CPNE7: variants seen among roughly 807,000 people sequenced by gnomAD.
The protein encoded by CPNE7 is copine 7, also known as copine-7.
Under a neutral mutation model 66.5 loss-of-function variants are expected in CPNE7, and 78 were observed. The observed-to-expected ratio is 1.17, with a 90% CI of 0.98 to 1.42. The LOEUF (loss-of-function observed/expected upper bound fraction) is 1.42, where lower values mean the gene tolerates loss of function less well. Among genes scored for constraint, CPNE7 ranks in the 40% most tolerant of loss-of-function variants. The pLI, the probability that CPNE7 is intolerant of heterozygous loss-of-function variation, is 0.00. For missense variants in CPNE7, 1,012 were observed against 776.6 expected, an observed-to-expected ratio of 1.30 and a Z score of -3.60; for synonymous variants, 468 against 336.7, an observed-to-expected ratio of 1.39 and a Z score of -4.27.
At chr16:89,589,489 C>A (rs967248197) in intron 10 of CPNE7, among the ~76,000 whole-genome samples, 14 of 152,154 alleles carry the variant, frequency 9.2e-5, no homozygotes, top group African/African-American at 3.1e-4. Context: ...GAGCTTCTTA[C>A]CACAACACAG....
intron 9 of CPNE7, chr16:89,587,698 C>A (rs1250727309): frequency 8.6e-6 from 3 of 350,532 alleles, no homozygotes; most frequent in Non-Finnish European, 1.2e-5. Context: ...GATACGCACA[C>A]CCCGTGTCAC....
intron 11 of CPNE7, 87 bp from the exon 12 acceptor site, chr16:89,590,920 G>A: frequency 7.1e-7 from 1 of 1,410,724 alleles, no homozygotes; most frequent in Non-Finnish European, 9.7e-7. Flanking sequence ...GGGGGCTGGG[G>A]ACGGGGGGAG....
At position 89,596,887 on chromosome 16, in the gene CPNE7, G is replaced by C; in HGVS notation, c.*266G>C. 1 of 383,628 alleles carries C rather than the reference G, an allele frequency of 2.6e-6. No individual in the cohort carries two copies. Among genetic ancestry groups the C allele is most frequent in the Non-Finnish European group, 4.6e-6 (1 of 217,210 alleles). 23.8% of individuals were successfully genotyped at this position (383,628 alleles called of 1,614,324 possible). On this transcript the variant is annotated 3_prime_UTR_variant, in exon 15 of 15. Coordinates refer to ENST00000319518, the MANE Select transcript of CPNE7 (RefSeq NM_153636.3). Reference sequence around the variant, plus strand: ...GGAGGGAGATCATGAGGGACTTGGAGGGAGCTGGGAGTTCATCCACGGGAG... The same window carrying C: ...GGAGGGAGATCATGAGGGACTTGGACGGAGCTGGGAGTTCATCCACGGGAG...
chr16:89,583,821 C>G (rs1296235213), intron 3 of CPNE7, 50 bp downstream of exon 3: 2 of 1,598,614 alleles, frequency 1.3e-6, no homozygotes, highest in Admixed American at 1.7e-5. Flanking sequence ...TGCTGTGGCT[C>G]CGAGGGGTGT....
chr16:89,587,838 AT>A (rs1455336466), intron 9 of CPNE7: 19 of 27,614 alleles, frequency 6.9e-4, no homozygotes, highest in South Asian at 1.2e-3. Flanking sequence ...TCACCCACAG[AT>A]ACACGGCCCC....
rs1239416540 is a variant in CPNE7 at position 89,584,103 on chromosome 16, G to A, written c.507+1G>A. On this transcript the variant is annotated splice_donor_variant, in intron 4 of 14. Coordinates refer to ENST00000319518, the MANE Select transcript of CPNE7 (RefSeq NM_153636.3). LOFTEE classifies it high-confidence loss of function. This position sits in a 1 kb window ranked among gnomAD's most constrained non-coding sequence, Gnocchi z 6.0. ...CCGGGCCAGGAAGCTGGACGACAAG[G>A]TGAGTGCAGGTGCCGGGCACGCCTG... 1.2e-6 allele frequency: 2 copies of A among 1,609,460 alleles called. No individual in the cohort carries two copies. Among genetic ancestry groups the A allele is most frequent in the Non-Finnish European group, 1.7e-6 (2 of 1,178,618 alleles).
At position 89,588,748 on chromosome 16, in the gene CPNE7, A is replaced by G; in HGVS notation, c.1001A>G (p.Gln334Arg). 6.2e-7 allele frequency: 1 copy of G among 1,613,694 alleles called. No individual in the cohort carries two copies. The highest frequency in any genetic ancestry group is 1.1e-5 in the South Asian group (1 of 91,082). ...SCSLHYINPY[Q>R]PNEYLKALVS... is the part of the protein sequence containing the mutation. ...TCCCTGCACTACATCAACCCCTACC[A>G]GCCGAACGAGTACCTGAAGGCACTG... The change falls in exon 10 of 15, where the codon CAG (glutamine) becomes CGG (arginine). Residue 334 changes from glutamine (Q) to arginine (R), a missense_variant. By Grantham distance (43) the Gln-to-Arg change is conservative (BLOSUM62 1). Transcript: ENST00000319518.
Position 89,580,515 on chromosome 16 carries a change from G to A in CPNE7, c.357+2794G>A, listed in dbSNP as rs1256254485. Reference sequence around the variant, plus strand: ...CCCGCTGACACAGAACATCTCACCCGTCACACGGAACATCCCATCACCCGT... The same window carrying A: ...CCCGCTGACACAGAACATCTCACCCATCACACGGAACATCCCATCACCCGT... On this transcript the variant is annotated intron_variant, in intron 2 of 14. Transcript: ENST00000319518. Among the ~76,000 whole-genome samples the A allele has an allele frequency of 2.5e-4, 29 of 113,892 alleles. 1 individual carries two copies. The highest frequency in any genetic ancestry group is 1.1e-3 in the East Asian group (4 of 3,662). 74.7% of individuals were successfully genotyped at this position (113,892 alleles called of 152,430 possible).
chr16:89,595,408 C>G lies in CPNE7; in HGVS notation c.1344C>G (p.Thr448=), dbSNP rs555104096. Residue 448 remains threonine, a synonymous_variant, in exon 14 of 15, where the codon ACC becomes ACG. Transcript: ENST00000319518. ...TGATCCTGACGGACGGCGTGGTGAC[C>G]GACATGGCCGACACACGGGAGGCCA... The part of the protein sequence containing the change: ...ILLILTDGVV[T]DMADTREAIV... 6.3e-7 allele frequency: 1 copy of G among 1,597,854 alleles called. No individual in the cohort carries two copies. The highest frequency in any genetic ancestry group is 1.1e-5 in the South Asian group (1 of 89,964).
chr16:89,595,511 C>T lies in CPNE7; in HGVS notation c.1447C>T (p.Leu483=), dbSNP rs752239320. The stretch of plus-strand genomic sequence containing the variant: ...CGCCGACTTCACCGACATGCAGGTC[C>T]TGGACGGCGACGACGGCGTCCTGCG... ...GNADFTDMQV[L]DGDDGVLRSP... Residue 483 remains leucine, a synonymous_variant, in exon 14 of 15, where the codon CTG becomes TTG. Transcript: ENST00000319518. 6.8e-6 allele frequency: 11 copies of T among 1,612,658 alleles called. No individual in the cohort carries two copies. The South Asian group carries it at 9.9e-5, about 14-fold the overall frequency.
chr16:89,584,198 G>A lies in CPNE7; in HGVS notation c.507+96G>A. ...CCCAGCGCTGACCTCGCGTGGCTAT[G>A]TCCCGTGTGAGACGTGTGCGGAGTG... On this transcript the variant is annotated intron_variant, in intron 4 of 14. Coordinates refer to ENST00000319518, the MANE Select transcript of CPNE7 (RefSeq NM_153636.3). This position sits in a 1 kb window ranked among gnomAD's most constrained non-coding sequence, Gnocchi z 6.0. The A allele has an allele frequency of 7.8e-7, 1 of 1,288,098 alleles. No homozygotes were observed. The highest frequency in any genetic ancestry group is 2.4e-5 in the East Asian group (1 of 42,310). The allele number at this position is 1,288,098 out of a possible 1,614,324, so 79.8% of individuals were successfully genotyped here.
intron 11 of CPNE7, among the ~76,000 whole-genome samples, chr16:89,590,394 A>G (rs948744044): frequency 3.3e-5 from 5 of 152,038 alleles, no homozygotes; most frequent in Admixed American, 3.3e-4. Context: ...GCGTGGTGGC[A>G]CATGCTTGTA....
At chr16:89,587,755 A>AGCCACAGATACACGGC (rs2059087321) in intron 9 of CPNE7, 1 of 73,440 alleles carries the variant, frequency 1.4e-5, no homozygotes, top group African/African-American at 9.4e-5. Context: ...CCCCCGTGTC[A>AGCCACAGATACACGGC]CCCGCGTGTC....
intron 9 of CPNE7, chr16:89,587,541 C>CA (rs1468175880): frequency 2.2e-6 from 1 of 453,974 alleles, no homozygotes; most frequent in Non-Finnish European, 4.4e-6. Context: ...CTTCCACAAA[C>CA]ACATTTAACA....
chr16:89,595,967 G>A (rs1175072886), intron 14 of CPNE7: 1 of 510,206 alleles, frequency 2.0e-6, no homozygotes, highest in African/African-American at 1.9e-5. Context: ...CACACGTGAG[G>A]TTCTACCCGG....
At position 89,584,583 on chromosome 16, in the gene CPNE7, C is replaced by T. The variant is rs542319191; in HGVS notation, c.508-191C>T. On this transcript the variant is annotated intron_variant, in intron 4 of 14. Coordinates refer to ENST00000319518, the MANE Select transcript of CPNE7 (RefSeq NM_153636.3). The surrounding 1 kb of genome is among the most constrained non-coding windows in gnomAD (Gnocchi z 6.0). ...TGACTCCATGGAGGGCTGAGTTGCC[C>T]GCCGTGGTCAGATCCCTGGGGGCGG... Among the ~76,000 whole-genome samples, 5 of 143,910 alleles carry T rather than the reference C, an allele frequency of 3.5e-5. No individual in the cohort carries two copies. The highest frequency in any genetic ancestry group is 2.5e-4 in the South Asian group (1 of 4,060). 94.4% of individuals were successfully genotyped at this position (143,910 alleles called of 152,430 possible).
chr16:89,591,270 C>G lies in CPNE7; in HGVS notation c.1302+10C>G. ...CACCGGGAAAGCCTCTGTAGGTGCC[C>G]GGGGGGTGTGGTGCATGCTTGGTGT... On this transcript the variant is annotated intron_variant, in intron 13 of 14. Coordinates refer to ENST00000319518, the MANE Select transcript of CPNE7 (RefSeq NM_153636.3). The G allele has an allele frequency of 1.3e-6, 2 of 1,562,224 alleles. No homozygotes were observed. The highest frequency in any genetic ancestry group is 1.8e-4 in the Middle Eastern group (1 of 5,624).
chr16:89,592,204 C>T (rs201139629), intron 13 of CPNE7, among the ~76,000 whole-genome samples: 5 of 147,808 alleles, frequency 3.4e-5, no homozygotes, highest in South Asian at 2.1e-4. Flanking sequence ...TTAGTAGAGA[C>T]GGGGTTTCAC....
intron 2 of CPNE7, among the ~76,000 whole-genome samples, chr16:89,582,971 C>G (rs896079602): frequency 2.0e-5 from 3 of 152,262 alleles, no homozygotes; most frequent in Non-Finnish European, 4.4e-5. Flanking sequence ...TGCCCCCGTC[C>G]TGCTCCTCAC....
Sources: allele counts gnomAD v4.1 joint callset (sites outside exome capture counted in the v4.1 genomes callset), GRCh38; gene constraint gnomAD v4.1.1; non-coding constraint Gnocchi (gnomAD v3.1); transcripts MANE v1.5; gene names NCBI Gene and HGNC (gene_info 2026-07-23, HGNC 2026-07-21).